MECOM: variants seen among roughly 807,000 people sequenced by gnomAD.
The protein encoded by MECOM is histone-lysine N-methyltransferase MECOM.
Under a neutral mutation model 116.3 loss-of-function variants are expected in MECOM, and 13 were observed. The observed-to-expected ratio is 0.11, with a 90% CI of 0.07 to 0.18. The LOEUF (loss-of-function observed/expected upper bound fraction) is 0.18, where lower values mean the gene tolerates loss of function less well. MECOM is among the 10% of genes least tolerant of loss of function. The pLI is 1.00. For missense variants in MECOM, 1,299 were observed against 1,509.0 expected, an observed-to-expected ratio of 0.86 and a Z score of 2.31; for synonymous variants, 528 against 535.2, an observed-to-expected ratio of 0.99 and a Z score of 0.19.
At chr3:169,261,913 C>T (rs1757606781) in intron 2 of MECOM, among the ~76,000 whole-genome samples, 1 of 152,220 alleles carries the variant, frequency 6.6e-6, no homozygotes, top group Non-Finnish European at 1.5e-5. Flanking sequence ...ACTGACTCAA[C>T]ATGCTATCTG....
chr3:169,564,245 C>T (rs991678713), intron 1 of MECOM, among the ~76,000 whole-genome samples: 1 of 152,038 alleles, frequency 6.6e-6, no homozygotes, highest in Non-Finnish European at 1.5e-5. Flanking sequence ...ATTCAAAAGA[C>T]TAAATGTCAC....
At chr3:169,206,204 C>T (rs1310545354) in intron 2 of MECOM, among the ~76,000 whole-genome samples, 1 of 152,138 alleles carries the variant, frequency 6.6e-6, no homozygotes, top group Non-Finnish European at 1.5e-5. Flanking sequence ...TACACATTTT[C>T]CTCACTGCAC....
chr3:169,148,666 G>C (rs551489143), intron 2 of MECOM, among the ~76,000 whole-genome samples: 1 of 152,090 alleles, frequency 6.6e-6, no homozygotes, highest in East Asian at 1.9e-4. Flanking sequence ...GTGTGCTGAC[G>C]GTTAAACTTT....
At chr3:169,529,115 A>G (rs537184343) in intron 1 of MECOM, among the ~76,000 whole-genome samples, 92 of 152,262 alleles carry the variant, frequency 6.0e-4, no homozygotes, top group African/African-American at 2.2e-3. Flanking sequence ...AAAAAAATCA[A>G]TTGACATTCC....
At chr3:169,548,973 T>C (rs1291602865) in intron 1 of MECOM, among the ~76,000 whole-genome samples, 19 of 38,396 alleles carry the variant, frequency 4.9e-4, no homozygotes, top group African/African-American at 3.6e-3. Flanking sequence ...TTGTCTCTCT[T>C]TTTTTTTTTT....
intron 1 of MECOM, among the ~76,000 whole-genome samples, chr3:169,543,065 C>T (rs541346022): frequency 5.9e-5 from 9 of 151,986 alleles, no homozygotes; most frequent in South Asian, 2.1e-4. Context: ...CAACTAGTTA[C>T]GAATACCAAA....
At chr3:169,212,357 C>T (rs1024045006) in intron 2 of MECOM, among the ~76,000 whole-genome samples, 4 of 151,386 alleles carry the variant, frequency 2.6e-5, no homozygotes, top group South Asian at 2.1e-4. Flanking sequence ...AACTCAGACG[C>T]TTTATACCAT....
intron 2 of MECOM, among the ~76,000 whole-genome samples, chr3:169,269,967 G>A (rs1758734492): frequency 6.7e-6 from 1 of 149,116 alleles, no homozygotes; most frequent in Non-Finnish European, 1.5e-5. Context: ...CGTATATAAA[G>A]GTGTGTGTGT....
chr3:169,647,554 CA>C (rs200174421), intron 1 of MECOM, among the ~76,000 whole-genome samples: 4 of 150,346 alleles, frequency 2.7e-5, no homozygotes, highest in East Asian at 3.9e-4. Flanking sequence ...ACATCCACAC[CA>C]AAAAAAAATA....
intron 2 of MECOM, among the ~76,000 whole-genome samples, chr3:169,351,241 G>A (rs1322452632): frequency 1.3e-5 from 2 of 151,608 alleles, no homozygotes; most frequent in Admixed American, 1.3e-4. Context: ...GAAGGACTGT[G>A]GCTAAAGATC....
At chr3:169,586,760 C>T (rs913926827) in intron 1 of MECOM, among the ~76,000 whole-genome samples, 1 of 152,198 alleles carries the variant, frequency 6.6e-6, no homozygotes, top group African/African-American at 2.4e-5. Context: ...CTACCTTACA[C>T]CAAAGCTCAG....
At chr3:169,638,440 A>T (rs1773077701) in intron 1 of MECOM, among the ~76,000 whole-genome samples, 1 of 152,196 alleles carries the variant, frequency 6.6e-6, no homozygotes, top group East Asian at 1.9e-4. Flanking sequence ...ATGCACCATG[A>T]CCCTGAGAAG....
At position 169,351,745 on chromosome 3, in the gene MECOM, T is replaced by C. The variant is rs984621110; in HGVS notation, c.375+29442A>G. Among the ~76,000 whole-genome samples, 5 of 151,776 alleles carry C rather than the reference T, an allele frequency of 3.3e-5. 1 individual carries two copies. Among genetic ancestry groups the C allele is most frequent in the Non-Finnish European group, 5.9e-5 (4 of 67,840 alleles). On this transcript the variant is annotated intron_variant, in intron 2 of 16. Coordinates refer to ENST00000651503, the MANE Select transcript of MECOM (RefSeq NM_004991.4). Reference sequence around the variant, plus strand: ...GTCAGCCTATTGCAGGTAAAAGCTTTTGAAGATCTACCACTACTCTTGTCC... The same window carrying C: ...GTCAGCCTATTGCAGGTAAAAGCTTCTGAAGATCTACCACTACTCTTGTCC...
chr3:169,484,203 T>G (rs1331672538), intron 1 of MECOM: 12 of 594,200 alleles, frequency 2.0e-5, no homozygotes, highest in Non-Finnish European at 3.6e-5. Context: ...TTGATGAGCT[T>G]TGTAAATATG....
intron 7 of MECOM, among the ~76,000 whole-genome samples, chr3:169,118,311 C>T (rs768048208): frequency 3.3e-5 from 5 of 152,108 alleles, no homozygotes; most frequent in South Asian, 4.1e-4. Context: ...TGAATCACAA[C>T]GTTACAGAGG....
chr3:169,209,870 T>C (rs952355454), intron 2 of MECOM, among the ~76,000 whole-genome samples: 22 of 152,290 alleles, frequency 1.4e-4, no homozygotes, highest in African/African-American at 5.1e-4. Flanking sequence ...ACCCAAAGAA[T>C]ATAAATCATT....
intron 1 of MECOM, among the ~76,000 whole-genome samples, chr3:169,538,411 T>G (rs1402914901): frequency 6.6e-6 from 1 of 152,214 alleles, no homozygotes; most frequent in Non-Finnish European, 1.5e-5. Flanking sequence ...ACTTTTATTG[T>G]TCATAAATGG....
chr3:169,648,100 A>T (rs115165108), intron 1 of MECOM, among the ~76,000 whole-genome samples: 1,581 of 152,314 alleles, frequency 0.01, 30 homozygotes, highest in African/African-American at 0.036. Flanking sequence ...CTTCATAATG[A>T]CATGTTATGA....
intron 1 of MECOM, among the ~76,000 whole-genome samples, chr3:169,648,574 A>T (rs1168916133): frequency 6.6e-6 from 1 of 152,258 alleles, no homozygotes; most frequent in Non-Finnish European, 1.5e-5. Flanking sequence ...GACTGTGCCC[A>T]AAAGTAAAGA....
Sources: allele counts gnomAD v4.1 joint callset (sites outside exome capture counted in the v4.1 genomes callset), GRCh38; gene constraint gnomAD v4.1.1; transcripts MANE v1.5; gene names NCBI Gene and HGNC (gene_info 2026-07-23, HGNC 2026-07-21).